The following GPSM1 variants were observed in gnomAD, a reference collection of about 807,000 sequenced individuals.
GPSM1 encodes G protein-signaling modulator 1.
GPSM1 carries 48 observed loss-of-function variants against 70.5 expected under a neutral mutation model. The ratio of observed to expected loss-of-function variants is 0.68; its 90% CI spans 0.54 to 0.87. The LOEUF (loss-of-function observed/expected upper bound fraction) is 0.87, where lower values mean the gene tolerates loss of function less well. Among genes scored for constraint, GPSM1 ranks in the 40% least tolerant of loss-of-function variants. GPSM1 has a pLI of 0.00. For missense variants in GPSM1, 981 were observed against 972.6 expected, an observed-to-expected ratio of 1.01 and a Z score of -0.11; for synonymous variants, 416 against 430.1, an observed-to-expected ratio of 0.97 and a Z score of 0.41.
In GPSM1 at chr9:136,327,776, G is replaced by GGGCCA. The variant is rs1832008577; in HGVS notation, c.68+15_68+16insCCAGG. 5.6e-6 allele frequency: 6 copies of GGGCCA among 1,078,162 alleles called. No homozygotes were observed. Among genetic ancestry groups the GGGCCA allele is most frequent in the African/African-American group, 3.4e-5 (2 of 59,286 alleles). 66.8% of individuals were successfully genotyped at this position (1,078,162 alleles called of 1,614,324 possible). On this transcript the variant is annotated intron_variant, in intron 1 of 13. Coordinates refer to ENST00000440944, the MANE Select transcript of GPSM1 (RefSeq NM_001145638.3). Reference sequence around the variant, plus strand: ...GCCTCTACTCCAGGTAGGACGGGCCGGGGCCGGGGCCGGGGCCGGGGCTGG... The same window carrying GGGCCA: ...GCCTCTACTCCAGGTAGGACGGGCCGGGCCAGGGCCGGGGCCGGGGCCGGGGCTGG...
chr9:136,338,206 G>A (rs572052029), intron 6 of GPSM1, among the ~76,000 whole-genome samples: 4 of 152,362 alleles, frequency 2.6e-5, no homozygotes, highest in South Asian at 4.1e-4. Flanking sequence ...ACAGAGCAGC[G>A]CCTGCCGGGT....
intron 7 of GPSM1, among the ~76,000 whole-genome samples, chr9:136,339,076 C>G (rs930033985): frequency 1.3e-5 from 2 of 152,202 alleles, no homozygotes; most frequent in Admixed American, 6.5e-5. Context: ...GGGCTCAGAG[C>G]CACAGGCCTG....
intron 1 of GPSM1, 38 bp downstream of exon 1, chr9:136,327,801 G>A (rs1554768096): frequency 1.1e-6 from 1 of 879,304 alleles, no homozygotes; most frequent in Non-Finnish European, 1.5e-6. Flanking sequence ...GCCGGGGCTG[G>A]GACCGGACCG....
rs1246880362 is a variant in GPSM1, at chr9:136,327,639, G to A, written c.-57G>A. ...AGGGAGGACAGCAGGGCGGGCAGGG[G>A]GCGGACGGCCACGGCGCGGGGGGCG... On this transcript the variant is annotated 5_prime_UTR_variant, in exon 1 of 14. Transcript: ENST00000440944. The A allele has an allele frequency of 1.1e-5, 5 of 458,930 alleles. No individual in the cohort carries two copies. The East Asian group carries it at 5.4e-4, about 50-fold the overall frequency. 28.4% of individuals were successfully genotyped at this position (458,930 alleles called of 1,614,324 possible).
intron 2 of GPSM1, among the ~76,000 whole-genome samples, chr9:136,335,239 G>A (rs951661386): frequency 1.3e-5 from 2 of 151,922 alleles, no homozygotes; most frequent in African/African-American, 2.4e-5. Context: ...GTGTGGTCCT[G>A]CCCTGGGGGC....
chr9:136,339,256 C>G (rs1554769800), intron 7 of GPSM1, among the ~76,000 whole-genome samples: 2 of 152,256 alleles, frequency 1.3e-5, no homozygotes, highest in Admixed American at 6.5e-5. Context: ...GGATCGTCCA[C>G]GTGAAAATGA....
chr9:136,338,381 G>A lies in GPSM1; in HGVS notation c.819-174G>A, dbSNP rs1206583573. Among the ~76,000 whole-genome samples, 5 of 152,192 alleles carry A rather than the reference G, an allele frequency of 3.3e-5. No individual in the cohort carries two copies. The South Asian group carries it at 6.2e-4, about 19-fold the overall frequency. ...CTGGCAGGACCCCCCGTCCCCCTGGGGCCAACAGTCCCGCTCTGTGGCCAT... is the reference window on the plus strand; with the variant it reads ...CTGGCAGGACCCCCCGTCCCCCTGGAGCCAACAGTCCCGCTCTGTGGCCAT... On this transcript the variant is annotated intron_variant, in intron 6 of 13. Transcript: ENST00000440944.
At chr9:136,331,464 G>A (rs1554768470) in intron 1 of GPSM1, among the ~76,000 whole-genome samples, 2 of 152,102 alleles carry the variant, frequency 1.3e-5, no homozygotes, top group Non-Finnish European at 2.9e-5. Context: ...AGGCACAGGG[G>A]CCTGGAGAAC....
rs750365043 is a variant in GPSM1 at position 136,349,778 on chromosome 9, C to T, written c.1455+15C>T. The stretch of plus-strand genomic sequence containing the variant: ...TGCCACGCACGGTAGGCGTCTTTGA[C>T]GGCAGATCCAGGCCGAGAGGGAGGA... On this transcript the variant is annotated intron_variant, in intron 11 of 13. Transcript: ENST00000440944. The T allele has an allele frequency of 1.1e-4, 171 of 1,557,786 alleles. No homozygotes were observed. Among genetic ancestry groups the T allele is most frequent in the South Asian group, 2.4e-4 (20 of 84,422 alleles).
At chr9:136,338,021 C>A in intron 6 of GPSM1, 60 bp downstream of exon 6, 2 of 1,086,590 alleles carry the variant, frequency 1.8e-6, no homozygotes, top group Non-Finnish European at 2.7e-6. Context: ...GATGCCAGGC[C>A]AAGGAAGTGC....
In GPSM1 at chr9:136,343,767, C is replaced by T. The variant is rs1161241708; in HGVS notation, c.1207+2774C>T. On this transcript the variant is annotated intron_variant, in intron 9 of 13. Transcript: ENST00000440944. This position sits in a 1 kb window ranked among gnomAD's most constrained non-coding sequence, Gnocchi z 6.0. ...GCCAGCGAGCCTGAGGGCCCGTAAG[C>T]CTGTTGCGTTCGGGCCCTGGGTGGA... is the stretch of plus-strand genomic sequence containing the variant. Among the ~76,000 whole-genome samples the T allele has an allele frequency of 2.0e-5, 3 of 152,216 alleles. No individual in the cohort carries two copies. Among genetic ancestry groups the T allele is most frequent in the African/African-American group, 7.2e-5 (3 of 41,454 alleles).
At chr9:136,335,856 T>C in intron 2 of GPSM1, 110 bp from the exon 3 acceptor site, 1 of 1,138,344 alleles carries the variant, frequency 8.8e-7, no homozygotes. Flanking sequence ...TCCTGTCCAC[T>C]CCATGCTGGT....
rs1832180671 is a variant in GPSM1, at chr9:136,334,515, C to T, written c.137C>T (p.Thr46Ile). 3 of 1,613,364 alleles carry T rather than the reference C, an allele frequency of 1.9e-6. No homozygotes were observed. The highest frequency in any genetic ancestry group is 1.1e-5 in the South Asian group (1 of 91,086). ...CTGTGCAAGGCGGGCGACTTCAAGACAGGCGTGGCCTTCTTTGAGGCTGCT... is the reference window on the plus strand; with the variant it reads ...CTGTGCAAGGCGGGCGACTTCAAGATAGGCGTGGCCTTCTTTGAGGCTGCT... ...ERLCKAGDFK[T>I]GVAFFEAAVQ... The change falls in exon 2 of 14, where the codon ACA becomes ATA. Residue 46 changes from threonine (T) to isoleucine (I), a missense_variant. Physicochemically the swap from Thr to Ile is moderately conservative, Grantham distance 89 (BLOSUM62 -1). Transcript: ENST00000440944.
In GPSM1 at chr9:136,340,055, T is replaced by G. The variant is rs28536668; in HGVS notation, c.1083+240T>G. On this transcript the variant is annotated intron_variant, in intron 8 of 13. Transcript: ENST00000440944. The surrounding 1 kb of genome is among the most constrained non-coding windows in gnomAD (Gnocchi z 7.3). Reference sequence around the variant, plus strand: ...GCTGCGTCTCCTCCTCCTTGGAGAGTTTGCACAGGGTCTCTGTGGGCTCCG... The same window carrying G: ...GCTGCGTCTCCTCCTCCTTGGAGAGGTTGCACAGGGTCTCTGTGGGCTCCG... Among the ~76,000 whole-genome samples the G allele has an allele frequency of 0.2, 29,983 of 151,506 alleles. 3,395 individuals carry two copies. Among genetic ancestry groups the G allele is most frequent in the African/African-American group, 0.33 (13,381 of 40,942 alleles).
At chr9:136,345,471 C>G (rs555576420) in intron 9 of GPSM1, among the ~76,000 whole-genome samples, 3 of 152,348 alleles carry the variant, frequency 2.0e-5, no homozygotes, top group African/African-American at 7.2e-5. Context: ...ACCGTCCGTG[C>G]CTGGCCATGA....
At chr9:136,333,375 A>G (rs1483607924) in intron 1 of GPSM1, among the ~76,000 whole-genome samples, 1 of 151,834 alleles carries the variant, frequency 6.6e-6, no homozygotes, top group Non-Finnish European at 1.5e-5. Context: ...ACCAGGCCCC[A>G]GAGCAGGCAG....
chr9:136,339,929 A>G (rs377197031), intron 8 of GPSM1, 114 bp downstream of exon 8: 1 of 691,210 alleles, frequency 1.4e-6, no homozygotes, highest in South Asian at 1.6e-5. Flanking sequence ...TCATCCTTTC[A>G]GGGCCATTGC....
At chr9:136,348,224 T>G (rs1564352080) in intron 9 of GPSM1, among the ~76,000 whole-genome samples, 1 of 152,210 alleles carries the variant, frequency 6.6e-6, no homozygotes, top group Non-Finnish European at 1.5e-5. Flanking sequence ...GACCCTGGCC[T>G]GGGCTGCCCG....
chr9:136,331,374 C>CCA (rs1564339910), intron 1 of GPSM1, among the ~76,000 whole-genome samples: 1 of 151,318 alleles, frequency 6.6e-6, no homozygotes, highest in African/African-American at 2.4e-5. Context: ...GCCCCCCCCC[C>CCA]CCGCTGCCCC....
Sources: gnomAD v4.1 joint callset for allele counts (sites outside exome capture counted in the v4.1 genomes callset) on GRCh38, gnomAD v4.1.1 for gene constraint, Gnocchi (gnomAD v3.1) non-coding constraint, MANE v1.5 for transcripts, NCBI Gene and HGNC (gene_info 2026-07-23, HGNC 2026-07-21) for gene names.